The following LMX1A variants were observed in gnomAD, a reference collection of about 807,000 sequenced individuals.
LMX1A encodes LIM homeobox transcription factor 1-alpha.
Under a neutral mutation model 49.1 loss-of-function variants are expected in LMX1A, and 15 were observed. The ratio of observed to expected loss-of-function variants is 0.31; its 90% CI spans 0.20 to 0.47. The LOEUF is 0.47. LMX1A is among the 20% of genes least tolerant of loss of function. The pLI is 1.00. For missense variants in LMX1A, 372 were observed against 475.8 expected (o/e 0.78, Z 2.03); for synonymous variants, 167 against 185.7 (o/e 0.90, Z 0.82).
intron 3 of LMX1A, among the ~76,000 whole-genome samples, chr1:165,320,895 A>T (rs955685423): frequency 3.9e-5 from 6 of 152,242 alleles, no homozygotes; most frequent in African/African-American, 1.4e-4. Context: ...GCCATGTAGT[A>T]TTACACAAAA....
At chr1:165,304,298 A>C (rs1234328021) in intron 3 of LMX1A, among the ~76,000 whole-genome samples, 2 of 152,152 alleles carry the variant, frequency 1.3e-5, no homozygotes, top group Non-Finnish European at 2.9e-5. Flanking sequence ...CCACCCCAAA[A>C]ATATCTTGTC....
intron 3 of LMX1A, among the ~76,000 whole-genome samples, chr1:165,325,799 A>G (rs1019235821): frequency 4.6e-5 from 7 of 152,182 alleles, no homozygotes; most frequent in Admixed American, 3.9e-4. Context: ...CAGGAGAGTT[A>G]ATAAACCAGA....
chr1:165,213,616 T>G (rs1444116602), intron 5 of LMX1A, 25 bp downstream of exon 5: 1 of 1,599,266 alleles, frequency 6.3e-7, no homozygotes, highest in Admixed American at 1.7e-5. Flanking sequence ...GCCCAGCTCC[T>G]TTTCCTCCCT....
At position 165,313,546 on chromosome 1, in the gene LMX1A, A is replaced by T. The variant is rs535974255; in HGVS notation, c.263+39530T>A. Among the ~76,000 whole-genome samples the T allele has an allele frequency of 1.1e-3, 141 of 130,980 alleles. 2 individuals are homozygous for T. The highest frequency in any genetic ancestry group is 3.8e-3 in the African/African-American group (133 of 34,580). The allele number at this position is 130,980 out of a possible 152,430, so 85.9% of individuals were successfully genotyped here. A position where few individuals can be genotyped will look rare whatever the true frequency, so the allele number is the denominator to read the frequency against. On this transcript the variant is annotated intron_variant, in intron 3 of 8. Transcript: ENST00000342310. Reference sequence around the variant, plus strand: ...TTGGATAATAGAGAAGAGTTTTTTTAAAGGTGTGGGCAGGGCTTAAGGAAA... The same window carrying T: ...TTGGATAATAGAGAAGAGTTTTTTTTAAGGTGTGGGCAGGGCTTAAGGAAA...
At chr1:165,260,186 C>T (rs1653390647) in intron 3 of LMX1A, among the ~76,000 whole-genome samples, 1 of 152,182 alleles carries the variant, frequency 6.6e-6, no homozygotes, top group African/African-American at 2.4e-5. Context: ...CACTCTTAAA[C>T]ATACCCAGAA....
At chr1:165,316,364 G>C (rs1357714750) in intron 3 of LMX1A, among the ~76,000 whole-genome samples, 1 of 152,208 alleles carries the variant, frequency 6.6e-6, no homozygotes, top group Non-Finnish European at 1.5e-5. Flanking sequence ...CTGCTTCAGG[G>C]CCCAGGGACA....
chr1:165,321,143 A>G (rs1331453883), intron 3 of LMX1A, among the ~76,000 whole-genome samples: 1 of 152,186 alleles, frequency 6.6e-6, no homozygotes, highest in African/African-American at 2.4e-5. Context: ...TCAAATACAA[A>G]AGACCTCACG....
chr1:165,293,833 C>T (rs1476953161), intron 3 of LMX1A, among the ~76,000 whole-genome samples: 2 of 152,174 alleles, frequency 1.3e-5, no homozygotes, highest in Admixed American at 1.3e-4. Context: ...GGGCTCAGGC[C>T]TCCTGATCTA....
At chr1:165,306,334 C>G (rs1177605700) in intron 3 of LMX1A, among the ~76,000 whole-genome samples, 2 of 152,146 alleles carry the variant, frequency 1.3e-5, no homozygotes, top group Non-Finnish European at 2.9e-5. Context: ...CTTGTTTGGG[C>G]AGTGGAATGT....
chr1:165,264,843 G>T (rs1168952435), intron 3 of LMX1A, among the ~76,000 whole-genome samples: 1 of 151,864 alleles, frequency 6.6e-6, no homozygotes, highest in Non-Finnish European at 1.5e-5. Context: ...GGAGGTCGAG[G>T]CTGCAGTGAG....
At chr1:165,295,488 G>A (rs1654590754) in intron 3 of LMX1A, among the ~76,000 whole-genome samples, 1 of 147,476 alleles carries the variant, frequency 6.8e-6, no homozygotes, top group African/African-American at 2.5e-5. Flanking sequence ...ATATATTGGA[G>A]ACATAACATA....
chr1:165,317,972 C>T (rs985108943), intron 3 of LMX1A, among the ~76,000 whole-genome samples: 7 of 152,230 alleles, frequency 4.6e-5, no homozygotes, highest in Non-Finnish European at 1.0e-4. Flanking sequence ...TGCCCCAAGG[C>T]AGGGAAGGGA....
chr1:165,325,980 T>C (rs891526200), intron 3 of LMX1A, among the ~76,000 whole-genome samples: 2 of 151,310 alleles, frequency 1.3e-5, no homozygotes, highest in African/African-American at 4.9e-5. Context: ...CCAGTGGCAG[T>C]AATATTGTGT....
chr1:165,231,775 T>G (rs563217115), intron 4 of LMX1A, among the ~76,000 whole-genome samples: 1 of 114,978 alleles, frequency 8.7e-6, no homozygotes, highest in South Asian at 4.4e-4. Flanking sequence ...CCTTTATTTT[T>G]ACCTGTTCTA....
At chr1:165,328,029 G>T (rs1051513176) in intron 3 of LMX1A, among the ~76,000 whole-genome samples, 1 of 152,230 alleles carries the variant, frequency 6.6e-6, no homozygotes, top group Non-Finnish European at 1.5e-5. Flanking sequence ...TCTGTCTCTG[G>T]GTTGAGACTA....
chr1:165,280,578 G>A (rs1029828070), intron 3 of LMX1A, among the ~76,000 whole-genome samples: 4 of 152,066 alleles, frequency 2.6e-5, no homozygotes, highest in South Asian at 2.1e-4. Flanking sequence ...TTGGCTTTGC[G>A]ACCATCACTG....
chr1:165,263,004 T>C (rs530695740), intron 3 of LMX1A, among the ~76,000 whole-genome samples: 27 of 152,104 alleles, frequency 1.8e-4, no homozygotes, highest in Non-Finnish European at 3.4e-4. Context: ...CATCAATCAT[T>C]TGGCTTCCAG....
chr1:165,275,313 C>T (rs1034289758), intron 3 of LMX1A, among the ~76,000 whole-genome samples: 5 of 152,196 alleles, frequency 3.3e-5, no homozygotes, highest in African/African-American at 1.2e-4. Flanking sequence ...CTGATTAATA[C>T]ATTAATGGCA....
chr1:165,240,477 G>C (rs1017116238), intron 4 of LMX1A, among the ~76,000 whole-genome samples: 1 of 152,106 alleles, frequency 6.6e-6, no homozygotes, highest in African/African-American at 2.4e-5. Context: ...GCTTTGAGAT[G>C]TTTTTCTCAA....
Sources: allele counts gnomAD v4.1 joint callset (sites outside exome capture counted in the v4.1 genomes callset), GRCh38; gene constraint gnomAD v4.1.1; transcripts MANE v1.5; gene names NCBI Gene and HGNC (gene_info 2026-07-23, HGNC 2026-07-21).